The following PXN variants were observed in gnomAD, a reference collection of about 807,000 sequenced individuals.
The protein encoded by PXN is paxillin.
In PXN, 61 loss-of-function variants were observed where a neutral mutation model predicts 103.6. That is an observed-to-expected ratio of 0.59 (90% CI 0.48 to 0.73). The LOEUF is 0.73. PXN is among the 30% of genes least tolerant of loss of function. PXN has a pLI of 0.00. For synonymous variants in PXN, 562 were observed against 607.8 expected, an observed-to-expected ratio of 0.92 and a Z score of 1.11; for missense variants, 1,274 against 1,460.3, an observed-to-expected ratio of 0.87 and a Z score of 2.08.
intron 1 of PXN, among the ~76,000 whole-genome samples, chr12:120,238,441 GCCTC>G: frequency 6.6e-6 from 1 of 152,158 alleles, no homozygotes; most frequent in Non-Finnish European, 1.5e-5. Context: ...GGCTGGCCTG[GCCTC>G]CCTCCACCAT....
At chr12:120,226,958 C>T in intron 1 of PXN, 1 of 989,298 alleles carries the variant, frequency 1.0e-6, no homozygotes. Context: ...CTCCATAGCA[C>T]ATTGGAAGCT....
Position 120,216,797 on chromosome 12 carries a change from G to A in PXN, c.1992+44C>T, listed in dbSNP as rs1416833729. ...CCAGGGAAGAACCCGGACCCCAGGTGCTTGGCTCTGGCCCAGCCCCAGCCA... is the reference window on the plus strand; with the variant it reads ...CCAGGGAAGAACCCGGACCCCAGGTACTTGGCTCTGGCCCAGCCCCAGCCA... On this transcript the variant is annotated intron_variant, in intron 8 of 14. Transcript: ENST00000637617. This position sits in a 1 kb window ranked among gnomAD's most constrained non-coding sequence, Gnocchi z 5.1. 6.4e-7 allele frequency: 1 copy of A among 1,574,722 alleles called. No homozygotes were observed.
chr12:120,257,012 C>T (rs71454634), intron 1 of PXN, among the ~76,000 whole-genome samples: 4,869 of 152,230 alleles, frequency 0.032, 106 homozygotes, highest in Middle Eastern at 0.071. Flanking sequence ...TGAGCCACCG[C>T]GCCTGGCCTC....
At position 120,221,490 on chromosome 12, in the gene PXN, A is replaced by T; in HGVS notation, c.831+133T>A. The T allele has an allele frequency of 9.8e-7, 1 of 1,019,960 alleles. No individual in the cohort carries two copies. Among genetic ancestry groups the T allele is most frequent in the Non-Finnish European group, 1.4e-6 (1 of 707,170 alleles). 63.2% of individuals were successfully genotyped at this position (1,019,960 alleles called of 1,614,324 possible). On this transcript the variant is annotated intron_variant, in intron 6 of 14. Transcript: ENST00000637617. The surrounding 1 kb of genome is among the most constrained non-coding windows in gnomAD (Gnocchi z 6.6). ...GGCATCACAGCAAGGCCAGGGCATGACAGTGTCCCTGGCTCAGGGGCAAGG... is the reference window on the plus strand; with the variant it reads ...GGCATCACAGCAAGGCCAGGGCATGTCAGTGTCCCTGGCTCAGGGGCAAGG...
At chr12:120,241,288 G>C (rs1166501118) in intron 1 of PXN, among the ~76,000 whole-genome samples, 2 of 152,172 alleles carry the variant, frequency 1.3e-5, no homozygotes, top group Admixed American at 1.3e-4. Context: ...TCAATCCCAG[G>C]TGATCAGAAT....
rs1449800018 is a variant in PXN, at chr12:120,222,396, G to A, written c.695+153C>T. Among the ~76,000 whole-genome samples, 1 of 152,246 alleles carries A rather than the reference G, an allele frequency of 6.6e-6. No homozygotes were observed. The highest frequency in any genetic ancestry group is 1.5e-5 in the Non-Finnish European group (1 of 68,040). ...CAGTGACTGGCTGAAGGCAGGGATG[G>A]TGTCCATGTGACTCACCACTATCCC... On this transcript the variant is annotated intron_variant, in intron 5 of 14. Coordinates refer to ENST00000637617, the MANE Select transcript of PXN (RefSeq NM_001385981.1). This position sits in a 1 kb window ranked among gnomAD's most constrained non-coding sequence, Gnocchi z 4.7.
intron 1 of PXN, chr12:120,250,231 T>C (rs1449439125): frequency 5.1e-6 from 5 of 975,410 alleles, no homozygotes; most frequent in Non-Finnish European, 6.1e-6. Context: ...AAGAGGAATG[T>C]TCCTGGAAAC....
At chr12:120,232,930 C>CCTGA (rs1888344260) in intron 1 of PXN, among the ~76,000 whole-genome samples, 1 of 152,192 alleles carries the variant, frequency 6.6e-6, no homozygotes, top group Admixed American at 6.5e-5. Context: ...CTCTCGCTTG[C>CCTGA]CTGACTTCCC....
intron 1 of PXN, among the ~76,000 whole-genome samples, chr12:120,236,528 C>T (rs889937415): frequency 4.1e-5 from 6 of 146,054 alleles, no homozygotes; most frequent in South Asian, 2.2e-4. Context: ...CCCAGGCTGG[C>T]GTACAGTGGC....
intron 1 of PXN, among the ~76,000 whole-genome samples, chr12:120,231,791 C>T (rs1029587958): frequency 1.4e-4 from 21 of 152,222 alleles, no homozygotes; most frequent in African/African-American, 5.1e-4. Context: ...CTCCAGCAGT[C>T]ACCCTGAGCT....
chr12:120,226,484 A>G (rs1441582251), intron 1 of PXN: 1 of 1,275,656 alleles, frequency 7.8e-7, no homozygotes, highest in Admixed American at 2.3e-5. Flanking sequence ...GGTCTCTTGG[A>G]CTCCAAACAC....
chr12:120,245,291 C>T (rs760502126), intron 1 of PXN, among the ~76,000 whole-genome samples: 1 of 151,806 alleles, frequency 6.6e-6, no homozygotes, highest in Non-Finnish European at 1.5e-5. Context: ...CTGACAGCAT[C>T]GATTATCATG....
chr12:120,238,547 G>A (rs1268739492), intron 1 of PXN, among the ~76,000 whole-genome samples: 7 of 152,194 alleles, frequency 4.6e-5, no homozygotes, highest in African/African-American at 9.6e-5. Context: ...CTGGGGCTCC[G>A]CAAATCCAGC....
In PXN at chr12:120,223,832, G is replaced by A; in HGVS notation, c.242C>T (p.Pro81Leu). 1 of 1,592,246 alleles carries A rather than the reference G, an allele frequency of 6.3e-7. No individual in the cohort carries two copies. The highest frequency in any genetic ancestry group is 8.6e-7 in the Non-Finnish European group (1 of 1,166,326). The change falls in exon 3 of 15, where the codon CCT becomes CTT. Residue 81 changes from proline (P) to leucine (L), a missense_variant and splice_region_variant. Pro to Leu is a moderately conservative substitution (Grantham distance 98). Around this residue, in one of 2 missense-constraint regions of PXN, gnomAD observed 1,178 missense variants for 1,309.0 expected, o/e 0.90. Transcript: ENST00000637617. ...GCCGTACACAGGTGATGAGGACTGA[G>A]GCTGCGAGAAGGAGAATGCTCAGAG... ...PSSSRFIHQQPQSSSPVYGSS... is the reference protein window; with the variant it reads ...PSSSRFIHQQLQSSSPVYGSS...
At chr12:120,249,663 G>A (rs890346214) in intron 1 of PXN, among the ~76,000 whole-genome samples, 1 of 152,154 alleles carries the variant, frequency 6.6e-6, no homozygotes, top group African/African-American at 2.4e-5. Context: ...GTGACCACAG[G>A]AAGCCATGAC....
At position 120,212,242 on chromosome 12, in the gene PXN, T is replaced by A; in HGVS notation, c.*72A>T. On this transcript the variant is annotated 3_prime_UTR_variant, in exon 15 of 15. Transcript: ENST00000637617. This position sits in a 1 kb window ranked among gnomAD's most constrained non-coding sequence, Gnocchi z 7.2. ...TCGGGTTTACCCCTTCACCCCCGGG[T>A]GAAGTCTCTAGGTCACAGTCGCAGT... 6.4e-7 allele frequency: 1 copy of A among 1,555,718 alleles called. No individual in the cohort carries two copies. Among genetic ancestry groups the A allele is most frequent in the Non-Finnish European group, 8.7e-7 (1 of 1,151,906 alleles).
intron 1 of PXN, among the ~76,000 whole-genome samples, chr12:120,244,180 C>T (rs1175063207): frequency 6.8e-6 from 1 of 147,496 alleles, no homozygotes; most frequent in African/African-American, 2.5e-5. Flanking sequence ...TAGTTGCCAC[C>T]ACCCCTCCCC....
intron 1 of PXN, among the ~76,000 whole-genome samples, chr12:120,241,825 C>T (rs988463332): frequency 3.9e-5 from 6 of 152,254 alleles, no homozygotes; most frequent in East Asian, 3.9e-4. Context: ...CGGTCAGCAG[C>T]GGAACAGCAG....
In PXN at chr12:120,215,557, G is replaced by A. The variant is rs768736348; in HGVS notation, c.2403+3C>T. On this transcript the variant is annotated splice_donor_region_variant and intron_variant, in intron 10 of 14. Transcript: ENST00000637617. The surrounding 1 kb of genome is among the most constrained non-coding windows in gnomAD (Gnocchi z 4.9). ...GGACACCCAGCCCAGCCTTGGCACT[G>A]ACCCCTCCCTCGTCCTGCCCTCCGG... is the stretch of plus-strand genomic sequence containing the variant. 6 of 1,583,012 alleles carry A rather than the reference G, an allele frequency of 3.8e-6. No individual in the cohort carries two copies. The East Asian group carries it at 1.1e-4, about 30-fold the overall frequency.
Sources: allele counts gnomAD v4.1 joint callset (sites outside exome capture counted in the v4.1 genomes callset), GRCh38; gene constraint gnomAD v4.1.1; regional missense constraint gnomAD v4.1.1; non-coding constraint Gnocchi (gnomAD v3.1); transcripts MANE v1.5; gene names NCBI Gene and HGNC (gene_info 2026-07-23, HGNC 2026-07-21).